SEZ6L2: variants seen among roughly 807,000 people sequenced by gnomAD.
SEZ6L2 encodes seizure related 6 homolog like 2.
SEZ6L2 carries 44 observed loss-of-function variants against 97.0 expected under a neutral mutation model. That is an observed-to-expected ratio of 0.45 (90% CI 0.36 to 0.58). The LOEUF (loss-of-function observed/expected upper bound fraction) is 0.58. SEZ6L2 is among the 20% of genes least tolerant of loss of function. The pLI is 0.00. For synonymous variants in SEZ6L2, 543 were observed against 546.1 expected, an observed-to-expected ratio of 0.99 and a Z score of 0.08; for missense variants, 1,086 against 1,233.3, an observed-to-expected ratio of 0.88 and a Z score of 1.79.
Position 29,899,041 on chromosome 16 carries a change from T to C in SEZ6L2, c.-22A>G. 6.3e-7 allele frequency: 1 copy of C among 1,584,042 alleles called. No individual in the cohort carries two copies. Among genetic ancestry groups the C allele is most frequent in the South Asian group, 1.1e-5 (1 of 89,582 alleles). ...CCATGGCGACTCACCCCGATCTCTC[T>C]CCTCTGTGCCTCTCTAAGTAATCTG... On this transcript the variant is annotated 5_prime_UTR_variant, in exon 1 of 18. Coordinates refer to ENST00000617533, the MANE Select transcript of SEZ6L2 (RefSeq NM_001243332.2).
intron 1 of SEZ6L2, among the ~76,000 whole-genome samples, chr16:29,898,423 TTCTCTCTCTC>T (rs112555002): frequency 1.4e-5 from 2 of 146,810 alleles, no homozygotes; most frequent in East Asian, 4.1e-4. Context: ...TGGCTGTCTT[TTCTCTCTCTC>T]TCTCTCTCTC....
intron 5 of SEZ6L2, among the ~76,000 whole-genome samples, chr16:29,893,793 C>T (rs1233266337): frequency 6.6e-6 from 1 of 152,176 alleles, no homozygotes; most frequent in Non-Finnish European, 1.5e-5. Flanking sequence ...TTCCCCTTCA[C>T]CCGCTTCTGT....
At chr16:29,877,033 C>A in intron 11 of SEZ6L2, 83 bp from the exon 12 acceptor site, 1 of 1,389,808 alleles carries the variant, frequency 7.2e-7, no homozygotes, top group Non-Finnish European at 9.8e-7. Context: ...CTCTGTGCCC[C>A]CTCCCGGGAT....
At chr16:29,884,404 C>T (rs2068089302) in intron 8 of SEZ6L2, among the ~76,000 whole-genome samples, 1 of 152,038 alleles carries the variant, frequency 6.6e-6, no homozygotes, top group African/African-American at 2.4e-5. Context: ...CCAGCCTGGG[C>T]AACATGGTGA....
In SEZ6L2 at chr16:29,871,746, A is replaced by ATGAT. The variant is rs2067786559; in HGVS notation, c.2743-19_2743-18insATCA. ...CGCGTATCCTGAAGACAGAGAGATCAGGTCAGTTGTTGGAGTCTGATAGGG... is the reference window on the plus strand; with the variant it reads ...CGCGTATCCTGAAGACAGAGAGATCATGATGGTCAGTTGTTGGAGTCTGATAGGG... On this transcript the variant is annotated intron_variant, in intron 17 of 17. Coordinates refer to ENST00000617533, the MANE Select transcript of SEZ6L2 (RefSeq NM_001243332.2). 6.2e-7 allele frequency: 1 copy of ATGAT among 1,605,634 alleles called. No individual in the cohort carries two copies. The highest frequency in any genetic ancestry group is 2.2e-5 in the East Asian group (1 of 44,622).
At chr16:29,878,174 A>C in intron 10 of SEZ6L2, 113 bp downstream of exon 10, 1 of 1,318,984 alleles carries the variant, frequency 7.6e-7, no homozygotes, top group Non-Finnish European at 1.0e-6. Context: ...TATCCACCGA[A>C]TTCTGGATAG....
At position 29,887,605 on chromosome 16, in the gene SEZ6L2, C is replaced by T. The variant is rs763154406; in HGVS notation, c.1208+44G>A. ...GGGATTACAGGCATGAGCCACCATG[C>T]CCGGCCAAGGTGGGGACTTCTGACC... On this transcript the variant is annotated intron_variant, in intron 7 of 17. Coordinates refer to ENST00000617533, the MANE Select transcript of SEZ6L2 (RefSeq NM_001243332.2). The T allele has an allele frequency of 5.3e-6, 8 of 1,513,108 alleles. No homozygotes were observed. The Admixed American group carries it at 1.1e-4, about 20-fold the overall frequency. 93.7% of individuals were successfully genotyped at this position (1,513,108 alleles called of 1,614,324 possible).
intron 5 of SEZ6L2, among the ~76,000 whole-genome samples, 182 bp from the exon 6 acceptor site, chr16:29,888,907 G>C (rs1274700194): frequency 6.6e-6 from 1 of 151,602 alleles, no homozygotes; most frequent in Non-Finnish European, 1.5e-5. Context: ...TCGCGAACAG[G>C]AAACTCCAAC....
chr16:29,896,602 C>G (rs2068395934), intron 3 of SEZ6L2, among the ~76,000 whole-genome samples: 1 of 152,184 alleles, frequency 6.6e-6, no homozygotes, highest in Non-Finnish European at 1.5e-5. Flanking sequence ...TGCTCCCTCT[C>G]CCACCTGAGC....
At chr16:29,894,224 T>C (rs2068331457) in intron 5 of SEZ6L2, among the ~76,000 whole-genome samples, 1 of 152,208 alleles carries the variant, frequency 6.6e-6, no homozygotes, top group African/African-American at 2.4e-5. Context: ...TTCCCCATAA[T>C]ACTAAGTATT....
chr16:29,886,229 C>T (rs959621271), intron 7 of SEZ6L2, among the ~76,000 whole-genome samples: 8 of 152,088 alleles, frequency 5.3e-5, no homozygotes, highest in African/African-American at 1.9e-4. Context: ...ATTAGCCAGG[C>T]ATGGTGGTGC....
Position 29,871,169 on chromosome 16 carries a change from C to T in SEZ6L2, c.*530G>A, listed in dbSNP as rs12917712. On this transcript the variant is annotated 3_prime_UTR_variant, in exon 18 of 18. Coordinates refer to ENST00000617533, the MANE Select transcript of SEZ6L2 (RefSeq NM_001243332.2). ...ACTCCACCGGCCCAATTACAAGTGG[C>T]GATTTTCTGTTTATTGCTCAAAAAC... The T allele has an allele frequency of 0.35, 58,225 of 166,222 alleles. 11,156 individuals carry two copies. The highest frequency in any genetic ancestry group is 0.52 in the African/African-American group (21,555 of 41,826). The allele number at this position is 166,222 out of a possible 1,614,324, so 10.3% of individuals were successfully genotyped here. A position where few individuals can be genotyped will look rare whatever the true frequency, so the allele number is the denominator to read the frequency against.
At chr16:29,890,681 A>C (rs997221933) in intron 5 of SEZ6L2, among the ~76,000 whole-genome samples, 2 of 147,636 alleles carry the variant, frequency 1.4e-5, no homozygotes, top group Non-Finnish European at 3.0e-5. Flanking sequence ...TCCAACAGTT[A>C]CTTGTTCTCT....
intron 5 of SEZ6L2, among the ~76,000 whole-genome samples, chr16:29,890,107 C>A (rs2068239305): frequency 6.6e-6 from 1 of 152,040 alleles, no homozygotes; most frequent in African/African-American, 2.4e-5. Flanking sequence ...TGGGATTTTA[C>A]CATGTTGGCC....
chr16:29,887,189 G>GAA (rs796793207), intron 7 of SEZ6L2, among the ~76,000 whole-genome samples: 1 of 82,006 alleles, frequency 1.2e-5, no homozygotes, highest in African/African-American at 3.8e-5. Flanking sequence ...CTCAAAAAAA[G>GAA]AAAAAAAAAA....
At chr16:29,898,108 A>C in intron 1 of SEZ6L2, 124 bp from the exon 2 acceptor site, 1 of 1,409,822 alleles carries the variant, frequency 7.1e-7, no homozygotes, top group South Asian at 1.3e-5. Flanking sequence ...AGATGGTCCC[A>C]GGCTCGACTG....
chr16:29,889,178 C>T (rs1326983338), intron 5 of SEZ6L2, among the ~76,000 whole-genome samples: 3 of 152,158 alleles, frequency 2.0e-5, no homozygotes, highest in Non-Finnish European at 4.4e-5. Context: ...CATGCTGGCT[C>T]ACGCCTGTAA....
intron 12 of SEZ6L2, among the ~76,000 whole-genome samples, chr16:29,875,394 A>C (rs2067880975): frequency 6.6e-6 from 1 of 152,134 alleles, no homozygotes; most frequent in Admixed American, 6.6e-5. Flanking sequence ...TGCCTTGGGC[A>C]GGTTCCCTCC....
rs542455651 is a variant in SEZ6L2, at chr16:29,888,133, G to T, written c.1040-316C>A. On this transcript the variant is annotated intron_variant, in intron 6 of 17. Transcript: ENST00000617533. ...AGGATCCCTAAAATTCAAAGCCTCA[G>T]CTGGGAAATCTTCAGGACAGGACTT... Among the ~76,000 whole-genome samples, 3 of 152,224 alleles carry T rather than the reference G, an allele frequency of 2.0e-5. No homozygotes were observed. In the East Asian group the frequency reaches 5.8e-4, roughly 30 times the overall value.
Sources: allele counts gnomAD v4.1 joint callset (sites outside exome capture counted in the v4.1 genomes callset), GRCh38; gene constraint gnomAD v4.1.1; transcripts MANE v1.5; gene names NCBI Gene and HGNC (gene_info 2026-07-23, HGNC 2026-07-21).